The following CPNE8 variants were observed in gnomAD, a reference collection of about 807,000 sequenced individuals.
CPNE8 encodes the protein copine 8.
Under a neutral mutation model 81.5 loss-of-function variants are expected in CPNE8, and 45 were observed. The ratio of observed to expected loss-of-function variants is 0.55; its 90% CI spans 0.44 to 0.71. CPNE8 has a LOEUF of 0.71. Among genes scored for constraint, CPNE8 ranks in the 30% least tolerant of loss-of-function variants. CPNE8 has a pLI of 0.00. For missense variants in CPNE8, 594 were observed against 672.1 expected (o/e 0.88, Z 1.28); for synonymous variants, 252 against 226.3 (o/e 1.11, Z -1.02).
intron 6 of CPNE8, among the ~76,000 whole-genome samples, chr12:38,785,205 A>T (rs1021377280): frequency 6.6e-6 from 1 of 151,530 alleles, no homozygotes; most frequent in Non-Finnish European, 1.5e-5. Flanking sequence ...AAAAAAAAAA[A>T]GGACCCATTA....
intron 3 of CPNE8, among the ~76,000 whole-genome samples, chr12:38,865,279 T>C (rs1418502034): frequency 9.2e-5 from 14 of 152,218 alleles, no homozygotes; most frequent in Admixed American, 5.9e-4. Context: ...GCTCAGATAT[T>C]TCACTCCTAC....
chr12:38,732,625 G>C (rs570672194), intron 10 of CPNE8, among the ~76,000 whole-genome samples: 2 of 151,994 alleles, frequency 1.3e-5, no homozygotes, highest in East Asian at 3.9e-4. Context: ...CTGCATTAGT[G>C]GTTAGAGAGC....
chr12:38,663,489 A>C (rs1238613309), intron 19 of CPNE8, among the ~76,000 whole-genome samples: 1 of 152,142 alleles, frequency 6.6e-6, no homozygotes, highest in Non-Finnish European at 1.5e-5. Context: ...GGCTATTACC[A>C]AAAAGACAAA....
chr12:38,905,762 G>C (rs1413725699), upstream of CPNE8: 4 of 1,392,922 alleles, frequency 2.9e-6, no homozygotes, highest in Admixed American at 3.0e-5. Context: ...GGCAAGTGGC[G>C]CGCGGGGATC....
rs772783027 is a variant in CPNE8 at position 38,735,831 on chromosome 12, C to A, written c.723-5473G>T. ...ACACAAACTATAAGCATATTTTGAG[C>A]AAAAATAATTTTTTCTTCATAAAGT... On this transcript the variant is annotated intron_variant, in intron 10 of 19. Transcript: ENST00000331366. Among the ~76,000 whole-genome samples the A allele has an allele frequency of 2.4e-3, 360 of 151,708 alleles. 1 individual carries two copies. Among genetic ancestry groups the A allele is most frequent in the Middle Eastern group, 6.8e-3 (2 of 294 alleles).
intron 13 of CPNE8, among the ~76,000 whole-genome samples, chr12:38,703,211 A>G (rs912503305): frequency 6.6e-6 from 1 of 152,228 alleles, no homozygotes; most frequent in Non-Finnish European, 1.5e-5. Flanking sequence ...ATAACAAAGT[A>G]GTCAAACTGC....
In CPNE8 at chr12:38,652,300, C is replaced by T. The variant is rs1938717728; in HGVS notation, c.*1582G>A. 1 of 152,064 alleles carries T rather than the reference C, an allele frequency of 6.6e-6. No individual in the cohort carries two copies. The highest frequency in any genetic ancestry group is 2.4e-5 in the African/African-American group (1 of 41,334). The allele number at this position is 152,064 out of a possible 1,614,324, so 9.4% of individuals were successfully genotyped here. A position where few individuals can be genotyped will look rare whatever the true frequency, so the allele number is the denominator to read the frequency against. ...CTGTAGTGGCATAAATATTTAAGAT[C>T]AGTAAAGGAAATCATCAAACTATTG... On this transcript the variant is annotated 3_prime_UTR_variant, in exon 20 of 20. Coordinates refer to ENST00000331366, the MANE Select transcript of CPNE8 (RefSeq NM_153634.3).
rs1565554817 is a variant in CPNE8 at position 38,653,083 on chromosome 12, T to G, written c.*799A>C. 6.6e-6 allele frequency: 1 copy of G among 152,452 alleles called. No individual in the cohort carries two copies. Among genetic ancestry groups the G allele is most frequent in the Non-Finnish European group, 1.5e-5 (1 of 68,036 alleles). The allele number at this position is 152,452 out of a possible 1,614,324, so 9.4% of individuals were successfully genotyped here. The stretch of plus-strand genomic sequence containing the variant: ...AGCATTATTATATAAGGATGCTACT[T>G]TTTACAAAGTATTTTCTGTGCATTT... On this transcript the variant is annotated 3_prime_UTR_variant, in exon 20 of 20. Coordinates refer to ENST00000331366, the MANE Select transcript of CPNE8 (RefSeq NM_153634.3).
At chr12:38,777,333 A>T (rs1355133438) in intron 6 of CPNE8, among the ~76,000 whole-genome samples, 26 of 152,216 alleles carry the variant, frequency 1.7e-4, no homozygotes, top group Non-Finnish European at 3.5e-4. Context: ...AAGAAAGGAA[A>T]TATTTTTGTA....
At chr12:38,856,063 TG>T (rs1178596628) in intron 3 of CPNE8, among the ~76,000 whole-genome samples, 2 of 151,966 alleles carry the variant, frequency 1.3e-5, no homozygotes, top group Non-Finnish European at 2.9e-5. Flanking sequence ...GGGACTATTA[TG>T]AACAACTTTA....
intron 6 of CPNE8, among the ~76,000 whole-genome samples, chr12:38,808,333 T>C (rs1445681010): frequency 1.3e-5 from 2 of 151,914 alleles, no homozygotes; most frequent in African/African-American, 4.8e-5. Context: ...CTATTCACAA[T>C]AGCAAAGACT....
intron 13 of CPNE8, among the ~76,000 whole-genome samples, chr12:38,712,858 T>G (rs1940294519): frequency 6.6e-6 from 1 of 152,228 alleles, no homozygotes; most frequent in African/African-American, 2.4e-5. Context: ...TTTGTAAATT[T>G]GAATACATAC....
intron 1 of CPNE8, among the ~76,000 whole-genome samples, chr12:38,876,891 T>C (rs938768148): frequency 1.3e-5 from 2 of 152,214 alleles, no homozygotes; most frequent in African/African-American, 4.8e-5. Flanking sequence ...TCAGTTTAGA[T>C]TTATTTTAGG....
chr12:38,680,289 G>C (rs1939380854), intron 16 of CPNE8, among the ~76,000 whole-genome samples: 1 of 151,942 alleles, frequency 6.6e-6, no homozygotes, highest in Admixed American at 6.6e-5. Context: ...AACTGACTTA[G>C]GGATGTTTTA....
At chr12:38,830,017 G>C (rs1943258090) in intron 5 of CPNE8, among the ~76,000 whole-genome samples, 1 of 152,136 alleles carries the variant, frequency 6.6e-6, no homozygotes, top group Non-Finnish European at 1.5e-5. Flanking sequence ...TCACAAAATT[G>C]TTCTGAGGGT....
At chr12:38,844,912 T>C (rs77862353) in intron 4 of CPNE8, among the ~76,000 whole-genome samples, 8,259 of 152,186 alleles carry the variant, frequency 0.054, 729 homozygotes, top group African/African-American at 0.19. Context: ...TGTTGGTCAA[T>C]TTACACTAGT....
At chr12:38,855,224 T>C (rs1045975526) in intron 3 of CPNE8, among the ~76,000 whole-genome samples, 1 of 151,502 alleles carries the variant, frequency 6.6e-6, no homozygotes, top group Non-Finnish European at 1.5e-5. Context: ...AAAACACTGA[T>C]GAAAGAAATA....
intron 6 of CPNE8, 21 bp from the exon 7 acceptor site, chr12:38,776,322 T>A: frequency 9.1e-7 from 1 of 1,101,564 alleles, no homozygotes; most frequent in Non-Finnish European, 1.3e-6. Flanking sequence ...AAAAATATAT[T>A]TATATACATT....
chr12:38,743,465 G>A (rs888819408), intron 10 of CPNE8, among the ~76,000 whole-genome samples: 2 of 151,942 alleles, frequency 1.3e-5, no homozygotes, highest in Admixed American at 6.6e-5. Flanking sequence ...TATTTTAAAA[G>A]ATCTTATGCC....
Sources: gnomAD v4.1 joint callset for allele counts (sites outside exome capture counted in the v4.1 genomes callset) on GRCh38, gnomAD v4.1.1 for gene constraint, MANE v1.5 for transcripts, NCBI Gene and HGNC (gene_info 2026-07-23, HGNC 2026-07-21) for gene names.